The following PRG2 variants were observed in gnomAD, a reference collection of about 807,000 sequenced individuals.
PRG2 encodes the protein proteoglycan 2, pro eosinophil major basic protein, also known as bone marrow proteoglycan.
A neutral mutation model predicts 24.7 loss-of-function variants in PRG2; 23 were observed. That is an observed-to-expected ratio of 0.93 (90% confidence interval 0.67 to 1.32). The LOEUF (loss-of-function observed/expected upper bound fraction) is 1.32, where lower values mean the gene tolerates loss of function less well. Among genes scored for constraint, PRG2 ranks in the 40% most tolerant of loss-of-function variants. PRG2 has a pLI of 0.00. For synonymous variants in PRG2, 104 were observed against 99.8 expected (o/e 1.04, Z -0.25); for missense variants, 271 against 280.9 (o/e 0.96, Z 0.25).
chr11:57,388,874 A>G (rs1432306817), intron 3 of PRG2, 136 bp downstream of exon 3: 4 of 1,423,230 alleles, frequency 2.8e-6, no homozygotes, highest in East Asian at 2.4e-5. Context: ...TCTTACCCCA[A>G]CACCTCTCTG....
At chr11:57,389,859 AG>A in intron 2 of PRG2, 27 bp downstream of exon 2, 1 of 1,576,034 alleles carries the variant, frequency 6.3e-7, no homozygotes. Context: ...AAACAGAGAA[AG>A]AAAGACTGAA....
At chr11:57,389,644 A>G (rs1020831562) in intron 2 of PRG2, among the ~76,000 whole-genome samples, 2 of 152,208 alleles carry the variant, frequency 1.3e-5, no homozygotes, top group African/African-American at 4.8e-5. Context: ...CAGTAAGCTC[A>G]AAGTAAGCAT....
rs75982119 is a variant in PRG2 at position 57,388,780 on chromosome 11, A to G, written c.367-72T>C. The G allele has an allele frequency of 2.9e-3, 4,581 of 1,571,220 alleles. 10 individuals are homozygous for G. The highest frequency in any genetic ancestry group is 3.8e-3 in the Non-Finnish European group (4,341 of 1,155,194). ...GAATTCACATGGGTCTTGAGTCCCC[A>G]CAATTCATTCCCTCCCTCCCCTGCC... On this transcript the variant is annotated intron_variant, in intron 3 of 5. Transcript: ENST00000311862.
Position 57,387,764 on chromosome 11 carries a change from C to T in PRG2, c.600G>A (p.Leu200=). The T allele has an allele frequency of 1.3e-6, 2 of 1,579,020 alleles. No individual in the cohort carries two copies. The highest frequency in any genetic ancestry group is 8.6e-7 in the Non-Finnish European group (1 of 1,163,272). The change falls in exon 5 of 6, where the codon CTG becomes CTA. Residue 200 remains leucine, a synonymous_variant. Coordinates refer to ENST00000311862, the MANE Select transcript of PRG2 (RefSeq NM_002728.6). ...CCAGCCCCACCTCACCTCGGGTACA[C>T]AGGGCCACGCAGTGACCACCGCGGG... ...PWSRGGHCVA[L]CTRGGHWRRA...
intron 4 of PRG2, 83 bp from the exon 5 acceptor site, chr11:57,387,948 C>A: frequency 9.8e-7 from 1 of 1,022,110 alleles, no homozygotes; most frequent in Non-Finnish European, 1.4e-6. Flanking sequence ...CCAGCTCTTT[C>A]TGCTGCCCAC....
chr11:57,388,840 T>C, intron 3 of PRG2, 132 bp from the exon 4 acceptor site: 1 of 1,449,710 alleles, frequency 6.9e-7, no homozygotes, highest in Non-Finnish European at 9.3e-7. Context: ...AAAATGCAAC[T>C]TCTGTTTGTA....
intron 2 of PRG2, among the ~76,000 whole-genome samples, 170 bp from the exon 3 acceptor site, chr11:57,389,487 A>G (rs962729279): frequency 2.6e-5 from 4 of 152,218 alleles, no homozygotes; most frequent in African/African-American, 7.2e-5. Context: ...TGACAAGGTC[A>G]AGGTGGTTAA....
chr11:57,390,135 G>A (rs572506753), intron 1 of PRG2, among the ~76,000 whole-genome samples, 179 bp from the exon 2 acceptor site: 23 of 152,244 alleles, frequency 1.5e-4, no homozygotes, highest in Non-Finnish European at 2.8e-4. Context: ...GATCCAGGAC[G>A]CAAGGACCTC....
chr11:57,387,617 C>G, intron 5 of PRG2, 84 bp from the exon 6 acceptor site: 1 of 1,439,770 alleles, frequency 6.9e-7, no homozygotes, highest in African/African-American at 1.4e-5. Context: ...CCCACCCACA[C>G]ACTGCTGTGG....
intron 2 of PRG2, among the ~76,000 whole-genome samples, 161 bp from the exon 3 acceptor site, chr11:57,389,478 G>A (rs1257799596): frequency 1.3e-5 from 2 of 152,212 alleles, no homozygotes; most frequent in Non-Finnish European, 2.9e-5. Context: ...CAAGCTGCCT[G>A]ACAAGGTCAA....
chr11:57,387,494 G>A lies in PRG2; in HGVS notation c.650C>T (p.Pro217Leu), dbSNP rs139793106. 1.3e-5 allele frequency: 21 copies of A among 1,613,892 alleles called. No homozygotes were observed. Among genetic ancestry groups the A allele is most frequent in the Non-Finnish European group, 1.4e-5 (16 of 1,179,980 alleles). ...WRRAHCLRRL[P>L]FICSY is the part of the protein sequence containing the mutation. ...ACCAGCTCAGTAGGAACAGATGAAAGGAAGTCTTCTGAGGCAGTGGGCTCG... is the reference window on the plus strand; with the variant it reads ...ACCAGCTCAGTAGGAACAGATGAAAAGAAGTCTTCTGAGGCAGTGGGCTCG... The change falls in exon 6 of 6, where the codon CCT becomes CTT. Residue 217 changes from proline to leucine, a missense_variant. Physicochemically the swap from Pro to Leu is moderately conservative, Grantham distance 98. Transcript: ENST00000311862.
chr11:57,390,420 C>T (rs1857134743), intron 1 of PRG2, 176 bp downstream of exon 1: 1 of 229,074 alleles, frequency 4.4e-6, no homozygotes, highest in Non-Finnish European at 7.2e-6. Context: ...AGCACTTTCA[C>T]ATCCCGCAGA....
At chr11:57,389,637 T>C (rs1255722638) in intron 2 of PRG2, among the ~76,000 whole-genome samples, 1 of 152,150 alleles carries the variant, frequency 6.6e-6, no homozygotes, top group East Asian at 1.9e-4. Flanking sequence ...AGGCACTCAG[T>C]AAGCTCAAAG....
At position 57,387,806 on chromosome 11, in the gene PRG2, A is replaced by C; in HGVS notation, c.558T>G (p.Ala186=). Residue 186 remains alanine, a synonymous_variant, in exon 5 of 6, where the codon GCT becomes GCG. Coordinates refer to ENST00000311862, the MANE Select transcript of PRG2 (RefSeq NM_002728.6). ...DGSRWNFAYW[A]AHQPWSRGGH... ...CACCGCGGGACCAGGGCTGGTGAGC[A>C]GCCCAGTATGCAAAGTTCCAGCGGC... The C allele has an allele frequency of 6.3e-7, 1 of 1,592,300 alleles. No individual in the cohort carries two copies. The highest frequency in any genetic ancestry group is 1.3e-5 in the African/African-American group (1 of 74,912).
intron 1 of PRG2, 46 bp from the exon 2 acceptor site, chr11:57,390,002 T>A: frequency 6.8e-7 from 1 of 1,461,630 alleles, no homozygotes; most frequent in Non-Finnish European, 9.5e-7. Flanking sequence ...CAGACACACA[T>A]GCACACACAT....
chr11:57,390,593 C>T lies in PRG2; in HGVS notation c.-13+3G>A, dbSNP rs533301019. 18 of 985,626 alleles carry T rather than the reference C, an allele frequency of 1.8e-5. 1 individual carries two copies. In the South Asian group the frequency reaches 5.6e-4, roughly 31 times the overall value. 61.1% of individuals were successfully genotyped at this position (985,626 alleles called of 1,614,324 possible). ...GCTCCACCACAGCAGAGAAAGCACT[C>T]ACCCACCCAGAGACCTTCCTGGGTC... On this transcript the variant is annotated splice_donor_region_variant and intron_variant, in intron 1 of 5. Transcript: ENST00000311862.
Position 57,390,615 on chromosome 11 carries a change from G to C in PRG2, c.-32C>G, listed in dbSNP as rs1004495947. 1 of 985,326 alleles carries C rather than the reference G, an allele frequency of 1.0e-6. No homozygotes were observed. The highest frequency in any genetic ancestry group is 1.2e-6 in the Non-Finnish European group (1 of 829,998). The allele number at this position is 985,326 out of a possible 1,614,324, so 61.0% of individuals were successfully genotyped here. Reference sequence around the variant, plus strand: ...ACTCACCCACCCAGAGACCTTCCTGGGTCTTTAGATCTTCCCAAAGCCCAG... The same window carrying C: ...ACTCACCCACCCAGAGACCTTCCTGCGTCTTTAGATCTTCCCAAAGCCCAG... On this transcript the variant is annotated 5_prime_UTR_variant, in exon 1 of 6. Coordinates refer to ENST00000311862, the MANE Select transcript of PRG2 (RefSeq NM_002728.6).
chr11:57,387,808 C>A lies in PRG2; in HGVS notation c.556G>T (p.Ala186Ser). The change falls in exon 5 of 6, where the codon GCT (alanine) becomes TCT (serine). Residue 186 changes from alanine to serine, a missense_variant. Transcript: ENST00000311862. ...DGSRWNFAYWAAHQPWSRGGH... is the reference protein window; with the variant it reads ...DGSRWNFAYWSAHQPWSRGGH... ...CCGCGGGACCAGGGCTGGTGAGCAGCCCAGTATGCAAAGTTCCAGCGGCTG... is the reference window on the plus strand; with the variant it reads ...CCGCGGGACCAGGGCTGGTGAGCAGACCAGTATGCAAAGTTCCAGCGGCTG... The A allele has an allele frequency of 6.3e-7, 1 of 1,592,112 alleles. No homozygotes were observed. Among genetic ancestry groups the A allele is most frequent in the Non-Finnish European group, 8.5e-7 (1 of 1,170,022 alleles).
chr11:57,388,773 A>G lies in PRG2; in HGVS notation c.367-65T>C, dbSNP rs563121378. 13 of 1,584,324 alleles carry G rather than the reference A, an allele frequency of 8.2e-6. No individual in the cohort carries two copies. In the Middle Eastern group the frequency reaches 5.1e-4, roughly 62 times the overall value. On this transcript the variant is annotated intron_variant, in intron 3 of 5. Transcript: ENST00000311862. ...CCTACATGAATTCACATGGGTCTTGAGTCCCCACAATTCATTCCCTCCCTC... is the reference window on the plus strand; with the variant it reads ...CCTACATGAATTCACATGGGTCTTGGGTCCCCACAATTCATTCCCTCCCTC...
Sources: allele counts gnomAD v4.1 joint callset (sites outside exome capture counted in the v4.1 genomes callset), GRCh38; gene constraint gnomAD v4.1.1; transcripts MANE v1.5; gene names NCBI Gene and HGNC (gene_info 2026-07-23, HGNC 2026-07-21).